SORCS3: variants seen among roughly 807,000 people sequenced by gnomAD.
SORCS3 encodes the protein sortilin related VPS10 domain containing receptor 3.
In SORCS3, 57 loss-of-function variants were observed where a neutral mutation model predicts 146.3. The ratio of observed to expected loss-of-function variants is 0.39; its 90% CI spans 0.31 to 0.49. The LOEUF (loss-of-function observed/expected upper bound fraction) is 0.49. Among genes scored for constraint, SORCS3 ranks in the 20% least tolerant of loss-of-function variants. The pLI, the probability that SORCS3 is intolerant of heterozygous loss-of-function variation, is 0.92. For synonymous variants in SORCS3, 653 were observed against 618.5 expected (o/e 1.06, Z -0.83); for missense variants, 1,341 against 1,575.5 (o/e 0.85, Z 2.52).
chr10:105,161,798 G>A (rs1459084549), intron 11 of SORCS3, among the ~76,000 whole-genome samples: 1 of 152,096 alleles, frequency 6.6e-6, no homozygotes, highest in Non-Finnish European at 1.5e-5. Flanking sequence ...GAGACTGTGG[G>A]CAGGTGGAAA....
At chr10:105,026,626 C>A (rs866203894) in intron 4 of SORCS3, among the ~76,000 whole-genome samples, 1 of 152,150 alleles carries the variant, frequency 6.6e-6, no homozygotes, top group African/African-American at 2.4e-5. Context: ...TACGTATACA[C>A]CATGGAATAC....
chr10:105,140,247 G>A (rs1016052992), intron 8 of SORCS3, among the ~76,000 whole-genome samples: 1 of 152,144 alleles, frequency 6.6e-6, no homozygotes, highest in Non-Finnish European at 1.5e-5. Context: ...GACTAAATGA[G>A]TACAGAGGTG....
intron 3 of SORCS3, among the ~76,000 whole-genome samples, chr10:104,971,269 T>C (rs1408746814): frequency 6.6e-6 from 1 of 152,230 alleles, no homozygotes; most frequent in Non-Finnish European, 1.5e-5. Flanking sequence ...AAGGCTAACA[T>C]GGTAAGACTG....
chr10:104,707,080 G>T (rs1008680772), intron 1 of SORCS3, among the ~76,000 whole-genome samples: 1 of 152,252 alleles, frequency 6.6e-6, no homozygotes, highest in Admixed American at 6.5e-5. Context: ...GGGCAGTCAG[G>T]CTTATCCACA....
intron 5 of SORCS3, among the ~76,000 whole-genome samples, chr10:105,055,181 T>C (rs1355078449): frequency 6.6e-6 from 1 of 152,164 alleles, no homozygotes; most frequent in Non-Finnish European, 1.5e-5. Context: ...TCAGTTTTGG[T>C]GCTATTGTAA....
chr10:104,751,312 A>G (rs939429545), intron 1 of SORCS3, among the ~76,000 whole-genome samples: 1 of 152,176 alleles, frequency 6.6e-6, no homozygotes, highest in Admixed American at 6.5e-5. Context: ...CTGGGTTGGA[A>G]TGTAATGTAG....
chr10:104,742,035 T>C (rs1425543715), intron 1 of SORCS3, among the ~76,000 whole-genome samples: 1 of 151,988 alleles, frequency 6.6e-6, no homozygotes, highest in East Asian at 1.9e-4. Context: ...GACATTTGGG[T>C]ACTGTATGAC....
rs556280319 is a variant in SORCS3, at chr10:104,890,957, G to A, written c.696-24876G>A. On this transcript the variant is annotated intron_variant, in intron 2 of 26. Coordinates refer to ENST00000369701, the MANE Select transcript of SORCS3 (RefSeq NM_014978.3). ...GTGTGTTGTAGATATCTGCTTCTAT[G>A]CATGCCAAATAATTTTTTATCTGAT... Among the ~76,000 whole-genome samples the A allele has an allele frequency of 1.7e-4, 26 of 152,230 alleles. No individual in the cohort carries two copies. In the Middle Eastern group the frequency reaches 0.024, roughly 139 times the overall value.
chr10:104,832,778 T>C (rs2018016041), intron 1 of SORCS3, among the ~76,000 whole-genome samples: 1 of 152,144 alleles, frequency 6.6e-6, no homozygotes. Flanking sequence ...TTTTGCCTCT[T>C]GGTGACAGTT....
Position 104,837,373 on chromosome 10 carries a change from A to G in SORCS3, c.628-5419A>G, listed in dbSNP as rs2018082486. On this transcript the variant is annotated intron_variant, in intron 1 of 26. Coordinates refer to ENST00000369701, the MANE Select transcript of SORCS3 (RefSeq NM_014978.3). ...TGTACTTCCATAAATGTAATTTTCCAGCTATACACACACACATATAGAGAC... is the reference window on the plus strand; with the variant it reads ...TGTACTTCCATAAATGTAATTTTCCGGCTATACACACACACATATAGAGAC... Among the ~76,000 whole-genome samples the G allele has an allele frequency of 1.3e-5, 2 of 152,222 alleles. 1 individual carries two copies. The highest frequency in any genetic ancestry group is 4.1e-4 in the South Asian group (2 of 4,834).
At chr10:105,194,161 A>G (rs1470089772) in intron 14 of SORCS3, among the ~76,000 whole-genome samples, 1 of 152,114 alleles carries the variant, frequency 6.6e-6, no homozygotes, top group East Asian at 1.9e-4. Context: ...GGTCATCTAT[A>G]TTTATATATG....
At chr10:105,088,786 C>T (rs1458117452) in intron 5 of SORCS3, among the ~76,000 whole-genome samples, 1 of 152,232 alleles carries the variant, frequency 6.6e-6, no homozygotes, top group African/African-American at 2.4e-5. Context: ...TTTTCCATTT[C>T]TCTTGCTATC....
chr10:104,741,352 T>G (rs962771377), intron 1 of SORCS3, among the ~76,000 whole-genome samples: 3 of 152,030 alleles, frequency 2.0e-5, no homozygotes, highest in Non-Finnish European at 4.4e-5. Context: ...GCCGTTGTGG[T>G]CCTGGCAGGC....
chr10:104,724,072 A>T (rs1195137532), intron 1 of SORCS3, among the ~76,000 whole-genome samples: 1 of 152,164 alleles, frequency 6.6e-6, no homozygotes, highest in Admixed American at 6.5e-5. Context: ...TCCTAGCCTC[A>T]ATGGTCTTTA....
At chr10:105,051,145 T>C (rs2055408242) in intron 5 of SORCS3, among the ~76,000 whole-genome samples, 1 of 152,304 alleles carries the variant, frequency 6.6e-6, no homozygotes, top group African/African-American at 2.4e-5. Flanking sequence ...TTGTTTATTG[T>C]AAATATCTGT....
intron 3 of SORCS3, among the ~76,000 whole-genome samples, chr10:104,976,181 C>G (rs1234398196): frequency 6.6e-6 from 1 of 152,110 alleles, no homozygotes; most frequent in Non-Finnish European, 1.5e-5. Flanking sequence ...GGCTAATATC[C>G]AGAATCTACA....
At chr10:104,932,223 C>A (rs1212010342) in intron 3 of SORCS3, among the ~76,000 whole-genome samples, 4 of 152,196 alleles carry the variant, frequency 2.6e-5, no homozygotes, top group Non-Finnish European at 5.9e-5. Flanking sequence ...CGTCTTGCCT[C>A]AGCTGGACCC....
At chr10:105,254,591 T>G (rs2056919268) in intron 23 of SORCS3, among the ~76,000 whole-genome samples, 1 of 152,218 alleles carries the variant, frequency 6.6e-6, no homozygotes, top group South Asian at 2.1e-4. Context: ...AGAACCTGCA[T>G]GTAAGAAGTT....
At chr10:104,654,174 T>G (rs1046850148) in intron 1 of SORCS3, among the ~76,000 whole-genome samples, 3 of 152,232 alleles carry the variant, frequency 2.0e-5, no homozygotes, top group African/African-American at 7.2e-5. Flanking sequence ...ATTGTGTATA[T>G]GTACCACGTT....
Sources: gnomAD v4.1 joint callset for allele counts (sites outside exome capture counted in the v4.1 genomes callset) on GRCh38, gnomAD v4.1.1 for gene constraint, MANE v1.5 for transcripts, NCBI Gene and HGNC (gene_info 2026-07-23, HGNC 2026-07-21) for gene names.